ROBO1: variants seen among roughly 807,000 people sequenced by gnomAD.
The protein encoded by ROBO1 is roundabout homolog 1.
ROBO1 carries 149 observed loss-of-function variants against 195.9 expected under a neutral mutation model. That is an observed-to-expected ratio of 0.76 (90% CI 0.67 to 0.87). ROBO1 has a LOEUF of 0.87. Among genes scored for constraint, ROBO1 ranks in the 40% least tolerant of loss-of-function variants. The pLI, the probability that ROBO1 is intolerant of heterozygous loss-of-function variation, is 0.00. For missense variants in ROBO1, 1,933 were observed against 2,068.3 expected, an observed-to-expected ratio of 0.93 and a Z score of 1.27; for synonymous variants, 816 against 733.2, an observed-to-expected ratio of 1.11 and a Z score of -1.82.
chr3:79,567,325 A>G (rs1468305394), intron 2 of ROBO1, among the ~76,000 whole-genome samples: 1 of 152,150 alleles, frequency 6.6e-6, no homozygotes, highest in Non-Finnish European at 1.5e-5. Flanking sequence ...AATCTGCACA[A>G]CAAACCACCA....
intron 5 of ROBO1, among the ~76,000 whole-genome samples, chr3:78,722,664 C>T (rs955537591): frequency 1.3e-5 from 2 of 152,036 alleles, no homozygotes; most frequent in South Asian, 2.1e-4. Flanking sequence ...CCAAAGACAA[C>T]AAAATATATA....
chr3:79,235,707 C>T lies in ROBO1; in HGVS notation c.89-110168G>A, dbSNP rs372854667. Reference sequence around the variant, plus strand: ...CTTTTCCCACCAATCATCTCAATTCCCTTTTATTTTTTAATCTTGAGGACA... The same window carrying T: ...CTTTTCCCACCAATCATCTCAATTCTCTTTTATTTTTTAATCTTGAGGACA... On this transcript the variant is annotated intron_variant, in intron 2 of 30. Transcript: ENST00000464233. Among the ~76,000 whole-genome samples the T allele has an allele frequency of 4.6e-5, 7 of 152,148 alleles. No homozygotes were observed. In the East Asian group the frequency reaches 1.4e-3, roughly 29 times the overall value.
At chr3:79,468,769 A>G (rs1298257040) in intron 2 of ROBO1, among the ~76,000 whole-genome samples, 1 of 152,182 alleles carries the variant, frequency 6.6e-6, no homozygotes, top group East Asian at 1.9e-4. Flanking sequence ...ACAGACCTTC[A>G]TTAGACCAAT....
At chr3:78,724,336 T>C (rs2108132632) in intron 5 of ROBO1, among the ~76,000 whole-genome samples, 1 of 152,072 alleles carries the variant, frequency 6.6e-6, no homozygotes, top group African/African-American at 2.4e-5. Flanking sequence ...ACTATGACCC[T>C]GATCGAATAT....
rs546961665 is a variant in ROBO1 at position 79,242,732 on chromosome 3, T to TA, written c.89-117194dup. Among the ~76,000 whole-genome samples the TA allele has an allele frequency of 1.5e-3, 221 of 152,256 alleles. 1 individual carries two copies. Among genetic ancestry groups the TA allele is most frequent in the African/African-American group, 5.0e-3 (209 of 41,546 alleles). On this transcript the variant is annotated intron_variant, in intron 2 of 30. Transcript: ENST00000464233. ...GTTAGCAGGGGAGAAATATTTCCTATAAAAAAAGTCTGCTCTGTCCAGTGT... is the reference window on the plus strand; with the variant it reads ...GTTAGCAGGGGAGAAATATTTCCTATAAAAAAAAGTCTGCTCTGTCCAGTGT...
chr3:79,310,667 T>G (rs1030212965), intron 2 of ROBO1, among the ~76,000 whole-genome samples: 1 of 152,234 alleles, frequency 6.6e-6, no homozygotes, highest in Non-Finnish European at 1.5e-5. Flanking sequence ...TTTGAGTTGA[T>G]GTATATCATA....
intron 1 of ROBO1, among the ~76,000 whole-genome samples, chr3:79,719,059 T>G (rs1576278836): frequency 6.6e-6 from 1 of 152,146 alleles, no homozygotes; most frequent in East Asian, 1.9e-4. Context: ...TTATTTATAC[T>G]CAATGGCAGA....
intron 2 of ROBO1, among the ~76,000 whole-genome samples, chr3:79,337,444 T>G (rs2034725610): frequency 6.6e-6 from 1 of 152,166 alleles, no homozygotes; most frequent in Admixed American, 6.5e-5. Flanking sequence ...ACTTCGCTCC[T>G]CACTTGGCCC....
In ROBO1 at chr3:79,548,027, A is replaced by G. The variant is rs184190619; in HGVS notation, c.88+41797T>C. ...GAGGACATATGAGCAAGTTTCCCCC[A>G]TGTCAGGTGTCGGGTGTGTGCAGAA... On this transcript the variant is annotated intron_variant, in intron 2 of 30. Transcript: ENST00000464233. Among the ~76,000 whole-genome samples, 1,279 of 152,266 alleles carry G rather than the reference A, an allele frequency of 8.4e-3. 9 individuals are homozygous for G. The highest frequency in any genetic ancestry group is 0.013 in the Admixed American group (192 of 15,288).
chr3:79,262,280 C>G (rs183701142), intron 2 of ROBO1, among the ~76,000 whole-genome samples: 2 of 152,080 alleles, frequency 1.3e-5, no homozygotes. Context: ...AATGGGGGCT[C>G]TTCACTTTGG....
chr3:79,421,390 A>T (rs1302585892), intron 2 of ROBO1, among the ~76,000 whole-genome samples: 1 of 152,072 alleles, frequency 6.6e-6, no homozygotes, highest in African/African-American at 2.4e-5. Flanking sequence ...TAAAAAAAAA[A>T]AAGAGAGACC....
rs560450802 is a variant in ROBO1 at position 79,706,636 on chromosome 3, T to G, written c.-51+61116A>C. On this transcript the variant is annotated intron_variant, in intron 1 of 30. Coordinates refer to ENST00000464233, the MANE Select transcript of ROBO1 (RefSeq NM_002941.4). ...CTGTTCTCATGATAGTAAACAAGTC[T>G]CATGTGATCTGATGGTTTTATGGGG... 2.0e-5 allele frequency among the ~76,000 whole-genome samples: 3 copies of G among 152,138 alleles called. No individual in the cohort carries two copies. The South Asian group carries it at 6.2e-4, about 32-fold the overall frequency.
In ROBO1 at chr3:78,635,762, A is replaced by T; in HGVS notation, c.3373+11T>A. Reference sequence around the variant, plus strand: ...ACAGAAACAGATGGGAATACATGCAAGCCTCTTCACCTTTGTTCAGCTTGT... The same window carrying T: ...ACAGAAACAGATGGGAATACATGCATGCCTCTTCACCTTTGTTCAGCTTGT... On this transcript the variant is annotated intron_variant, in intron 23 of 30. Transcript: ENST00000464233. The T allele has an allele frequency of 6.2e-7, 1 of 1,610,624 alleles. No individual in the cohort carries two copies. Among genetic ancestry groups the T allele is most frequent in the South Asian group, 1.1e-5 (1 of 90,916 alleles).
chr3:78,995,378 G>A (rs147756003), intron 3 of ROBO1, among the ~76,000 whole-genome samples: 2 of 152,122 alleles, frequency 1.3e-5, no homozygotes, highest in African/African-American at 4.8e-5. Context: ...GATGAACCTG[G>A]AACCGAGCAA....
At chr3:79,152,866 T>C (rs1002604605) in intron 2 of ROBO1, among the ~76,000 whole-genome samples, 1 of 151,812 alleles carries the variant, frequency 6.6e-6, no homozygotes, top group Non-Finnish European at 1.5e-5. Flanking sequence ...AACAGCTATC[T>C]GCATATTTCA....
At chr3:79,545,958 T>C (rs1942247972) in intron 2 of ROBO1, among the ~76,000 whole-genome samples, 1 of 152,092 alleles carries the variant, frequency 6.6e-6, no homozygotes, top group East Asian at 1.9e-4. Context: ...CAGAGTTTCT[T>C]CCACCTTTGC....
chr3:79,053,099 C>A (rs1041182300), intron 3 of ROBO1, among the ~76,000 whole-genome samples: 5 of 152,018 alleles, frequency 3.3e-5, no homozygotes, highest in Non-Finnish European at 7.4e-5. Flanking sequence ...GGGAACTGGT[C>A]TCCAAAGGAA....
At position 78,668,571 on chromosome 3, in the gene ROBO1, A is replaced by T. The variant is rs1281683538; in HGVS notation, c.1549-6T>A. The T allele has an allele frequency of 4.3e-6, 7 of 1,612,108 alleles. No homozygotes were observed. On this transcript the variant is annotated splice_polypyrimidine_tract_variant and splice_region_variant and intron_variant, in intron 11 of 30. Transcript: ENST00000464233. ...TACCGACCAGTATCACCCAGCTGAG[A>T]AGGCAGACAAAAAATAAATATTTGG...
chr3:78,803,120 T>C (rs1315293467), intron 4 of ROBO1, among the ~76,000 whole-genome samples: 1 of 152,162 alleles, frequency 6.6e-6, no homozygotes, highest in Non-Finnish European at 1.5e-5. Context: ...GCATCAGACT[T>C]ACTTGGGTTG....
Sources: allele counts gnomAD v4.1 joint callset (sites outside exome capture counted in the v4.1 genomes callset), GRCh38; gene constraint gnomAD v4.1.1; transcripts MANE v1.5; gene names NCBI Gene and HGNC (gene_info 2026-07-23, HGNC 2026-07-21).